Variants in SDK1 observed in about 807,000 individuals in gnomAD.
SDK1 encodes protein sidekick-1.
In SDK1, 157 loss-of-function variants were observed where a neutral mutation model predicts 245.5. The observed-to-expected ratio is 0.64, with a 90% CI of 0.56 to 0.73. SDK1 has a LOEUF of 0.73. Ranked by LOEUF, SDK1 falls within the 30% of genes least tolerant of loss-of-function variation. The pLI is 0.00. For missense variants in SDK1, 3,583 were observed against 3,002.3 expected (o/e 1.19, Z -4.52); for synonymous variants, 1,647 against 1,278.5 (o/e 1.29, Z -6.15).
chr7:3,741,401 G>T (rs187585215), intron 4 of SDK1, among the ~76,000 whole-genome samples: 2 of 152,310 alleles, frequency 1.3e-5, no homozygotes, highest in East Asian at 3.9e-4. Context: ...GTCTCCTTGT[G>T]TGGGAATCGT....
intron 5 of SDK1, among the ~76,000 whole-genome samples, chr7:3,912,803 GAGA>G (rs1422752892): frequency 6.6e-6 from 1 of 152,236 alleles, no homozygotes; most frequent in Non-Finnish European, 1.5e-5. Flanking sequence ...CAGCTGGGTG[GAGA>G]AGAAGACCCG....
intron 1 of SDK1, chr7:3,302,303 G>T (rs73286341): frequency 0.019 from 2,907 of 152,254 alleles, 94 homozygotes; most frequent in African/African-American, 0.067. Flanking sequence ...AGTGCCAGTC[G>T]CTGTGAAAAG....
intron 16 of SDK1, among the ~76,000 whole-genome samples, chr7:4,013,407 T>C (rs1488735827): frequency 1.3e-5 from 2 of 152,232 alleles, no homozygotes; most frequent in Non-Finnish European, 2.9e-5. Flanking sequence ...TTACCAGTGA[T>C]ATTGGGACAA....
intron 2 of SDK1, among the ~76,000 whole-genome samples, chr7:3,626,215 C>T (rs749538866): frequency 1.1e-4 from 17 of 152,154 alleles, no homozygotes; most frequent in Admixed American, 4.6e-4. Context: ...GCTGAGGTTA[C>T]AGGTGTGAGC....
intron 1 of SDK1, among the ~76,000 whole-genome samples, chr7:3,390,029 CTG>C (rs1781708587): frequency 6.6e-6 from 1 of 152,110 alleles, no homozygotes; most frequent in Non-Finnish European, 1.5e-5. Flanking sequence ...GTGGCAGAAA[CTG>C]TAGCTGAATT....
At chr7:3,447,222 A>G (rs1170090677) in intron 1 of SDK1, among the ~76,000 whole-genome samples, 1 of 152,210 alleles carries the variant, frequency 6.6e-6, no homozygotes, top group Non-Finnish European at 1.5e-5. Context: ...ATTTTACTTA[A>G]TATTTTCTTA....
chr7:3,554,168 G>A (rs1470815308), intron 1 of SDK1, among the ~76,000 whole-genome samples: 1 of 152,152 alleles, frequency 6.6e-6, no homozygotes, highest in African/African-American at 2.4e-5. Flanking sequence ...GTCTTCCAAA[G>A]AATTCGTGGG....
chr7:3,464,821 AT>A (rs374250325), intron 1 of SDK1, among the ~76,000 whole-genome samples: 77 of 152,094 alleles, frequency 5.1e-4, no homozygotes, highest in African/African-American at 1.8e-3. Context: ...GTCTTTAAAA[AT>A]TTGGACAAAT....
chr7:4,150,414 GTTGT>G (rs1418141953), intron 30 of SDK1, among the ~76,000 whole-genome samples: 16 of 152,346 alleles, frequency 1.1e-4, no homozygotes, highest in African/African-American at 3.8e-4. Context: ...GGCCAAGACG[GTTGT>G]CTCCAGGCTG....
intron 22 of SDK1, among the ~76,000 whole-genome samples, chr7:4,090,015 A>G (rs1397705614): frequency 6.6e-6 from 1 of 152,222 alleles, no homozygotes; most frequent in Non-Finnish European, 1.5e-5. Context: ...GATTTATCCC[A>G]GTGTCTTTAG....
At chr7:3,661,674 T>C (rs553817184) in intron 4 of SDK1, among the ~76,000 whole-genome samples, 1 of 152,224 alleles carries the variant, frequency 6.6e-6, no homozygotes, top group Non-Finnish European at 1.5e-5. Context: ...TTTTGCTGTT[T>C]TTAACATCTT....
intron 19 of SDK1, among the ~76,000 whole-genome samples, chr7:4,053,197 C>T (rs1029098309): frequency 2.0e-5 from 3 of 151,964 alleles, no homozygotes; most frequent in African/African-American, 7.3e-5. Flanking sequence ...CTTGTCTCTA[C>T]TAGAGTTTGG....
At chr7:3,434,806 G>T (rs888361908) in intron 1 of SDK1, among the ~76,000 whole-genome samples, 1 of 148,588 alleles carries the variant, frequency 6.7e-6, no homozygotes, top group Non-Finnish European at 1.5e-5. Context: ...ATAGAATCAT[G>T]GGGGGGGACA....
At chr7:3,674,606 GA>G (rs1484795483) in intron 4 of SDK1, among the ~76,000 whole-genome samples, 2 of 152,084 alleles carry the variant, frequency 1.3e-5, no homozygotes, top group Non-Finnish European at 2.9e-5. Flanking sequence ...GATGAGGGAT[GA>G]ATTGAGATTC....
chr7:3,948,915 C>T (rs1046894287), intron 5 of SDK1, among the ~76,000 whole-genome samples: 1 of 152,164 alleles, frequency 6.6e-6, no homozygotes, highest in African/African-American at 2.4e-5. Context: ...GCCACTGCCT[C>T]CCTTCACTTC....
rs552846999 is a variant in SDK1, at chr7:3,514,624, G to A, written c.299-104456G>A. On this transcript the variant is annotated intron_variant, in intron 1 of 44. Coordinates refer to ENST00000404826, the MANE Select transcript of SDK1 (RefSeq NM_152744.4). ...TATGATGCATTTCAGCATGCACGAAGGAGGAGAGTAGTAGATGAAAATGGG... is the reference window on the plus strand; with the variant it reads ...TATGATGCATTTCAGCATGCACGAAAGAGGAGAGTAGTAGATGAAAATGGG... Among the ~76,000 whole-genome samples the A allele has an allele frequency of 2.0e-5, 3 of 152,294 alleles. No individual in the cohort carries two copies. In the South Asian group the frequency reaches 6.2e-4, roughly 32 times the overall value.
intron 1 of SDK1, among the ~76,000 whole-genome samples, chr7:3,382,606 T>G (rs1369892371): frequency 1.3e-5 from 2 of 152,224 alleles, no homozygotes; most frequent in African/African-American, 4.8e-5. Context: ...CAGTCTTAAT[T>G]GTCCTGATTT....
chr7:3,432,608 A>G (rs1779889079), intron 1 of SDK1, among the ~76,000 whole-genome samples: 3 of 152,316 alleles, frequency 2.0e-5, no homozygotes, highest in Admixed American at 1.3e-4. Context: ...GGTTTCGCAT[A>G]GAAAAACCTG....
intron 2 of SDK1, among the ~76,000 whole-genome samples, chr7:3,633,841 A>G (rs1010170170): frequency 2.0e-5 from 3 of 152,092 alleles, no homozygotes; most frequent in African/African-American, 7.2e-5. Flanking sequence ...GGGCAGGAAC[A>G]GAGTGAGCCA....
Sources: gnomAD v4.1 joint callset for allele counts (sites outside exome capture counted in the v4.1 genomes callset) on GRCh38, gnomAD v4.1.1 for gene constraint, MANE v1.5 for transcripts, NCBI Gene and HGNC (gene_info 2026-07-23, HGNC 2026-07-21) for gene names.